The following EDA variants were observed in gnomAD, a reference collection of about 807,000 sequenced individuals.
The protein encoded by EDA is ectodysplasin A, also known as ectodysplasin-A.
EDA carries 2 observed loss-of-function variants against 23.6 expected under a neutral mutation model. That is an observed-to-expected ratio of 0.08 (90% CI 0.03 to 0.27). The LOEUF (loss-of-function observed/expected upper bound fraction) is 0.27, where lower values mean the gene tolerates loss of function less well. EDA is among the 10% of genes least tolerant of loss of function. EDA has a pLI of 1.00. For synonymous variants in EDA, 131 were observed against 132.0 expected, an observed-to-expected ratio of 0.99 and a Z score of 0.05; for missense variants, 229 against 324.2, an observed-to-expected ratio of 0.71 and a Z score of 2.26.
intron 1 of EDA, among the ~76,000 whole-genome samples, chrX:69,954,700 A>G (rs2018974869): frequency 8.9e-6 from 1 of 112,104 alleles, no homozygotes; most frequent in South Asian, 3.8e-4. Flanking sequence ...ACATGTGCAG[A>G]ATGTACAAGT....
At position 69,868,186 on chromosome X, in the gene EDA, G is replaced by A. The variant is rs576846433; in HGVS notation, c.397-88841G>A. On this transcript the variant is annotated intron_variant, in intron 1 of 7. Coordinates refer to ENST00000374552, the MANE Select transcript of EDA (RefSeq NM_001399.5). ...CTTCAAGCACCATTGAATCTGCTGG[G>A]TCATATGGTCCAAGTGGCAGAGCAG... 3.7e-4 allele frequency among the ~76,000 whole-genome samples: 41 copies of A among 112,183 alleles called. No individual in the cohort carries two copies. The South Asian group carries it at 0.015, about 42-fold the overall frequency.
chrX:69,660,810 A>G (rs1485005681), intron 1 of EDA, among the ~76,000 whole-genome samples: 1 of 111,561 alleles, frequency 9.0e-6, no homozygotes, highest in Non-Finnish European at 1.9e-5. Context: ...ATACGTGTGC[A>G]TGTGTCTTTA....
At chrX:69,624,725 C>A (rs1026594234) in intron 1 of EDA, among the ~76,000 whole-genome samples, 1 of 109,112 alleles carries the variant, frequency 9.2e-6, no homozygotes, top group African/African-American at 3.3e-5. Flanking sequence ...TGGGAGTTCT[C>A]CCTCTTTGAA....
intron 1 of EDA, among the ~76,000 whole-genome samples, chrX:69,698,573 G>T (rs1300082660): frequency 3.6e-5 from 4 of 111,585 alleles, no homozygotes; most frequent in Non-Finnish European, 7.5e-5. Flanking sequence ...GGCCCTAAAA[G>T]AAAAGTTCGG....
intron 1 of EDA, among the ~76,000 whole-genome samples, chrX:69,796,553 A>G (rs1275898585): frequency 8.9e-6 from 1 of 112,139 alleles, no homozygotes; most frequent in Non-Finnish European, 1.9e-5. Flanking sequence ...AACCAATACC[A>G]CAGATACGTC....
intron 1 of EDA, among the ~76,000 whole-genome samples, chrX:69,773,827 T>G (rs749603941): frequency 2.4e-3 from 264 of 111,874 alleles, no homozygotes; most frequent in Non-Finnish European, 4.3e-3. Context: ...TTTGCAAATA[T>G]TTTATCCCAT....
intron 1 of EDA, among the ~76,000 whole-genome samples, chrX:69,833,612 G>A (rs2016684723): frequency 9.0e-6 from 1 of 110,901 alleles, no homozygotes; most frequent in South Asian, 3.9e-4. Flanking sequence ...CATTTCAGAA[G>A]GAATGGTACC....
chrX:69,786,526 T>A (rs1430420712), intron 1 of EDA, among the ~76,000 whole-genome samples: 1 of 110,281 alleles, frequency 9.1e-6, no homozygotes, highest in Admixed American at 9.6e-5. Context: ...ACATCTTTAT[T>A]TCTGCCTTCA....
At chrX:69,948,746 T>G (rs899821536) in intron 1 of EDA, among the ~76,000 whole-genome samples, 1 of 112,588 alleles carries the variant, frequency 8.9e-6, no homozygotes, top group African/African-American at 3.2e-5. Context: ...TAAAGATAGA[T>G]TCTAGTTCAG....
intron 1 of EDA, among the ~76,000 whole-genome samples, chrX:69,623,005 T>C (rs768666597): frequency 8.9e-6 from 1 of 112,192 alleles, no homozygotes; most frequent in Non-Finnish European, 1.9e-5. Context: ...GGTGCCTGTA[T>C]ATATGCAAGA....
intron 1 of EDA, among the ~76,000 whole-genome samples, chrX:69,658,250 G>GTGTGTGTA (rs1933379624): frequency 9.7e-6 from 1 of 103,485 alleles, no homozygotes; most frequent in Non-Finnish European, 2.0e-5. Context: ...GTGTGTGTGT[G>GTGTGTGTA]TATTGTAAAT....
At chrX:69,711,973 G>GT (rs2012069331) in intron 1 of EDA, among the ~76,000 whole-genome samples, 1 of 110,873 alleles carries the variant, frequency 9.0e-6, no homozygotes, top group African/African-American at 3.3e-5. Context: ...TTTTTGAAGG[G>GT]TTTTTTGTGT....
chrX:70,002,493 G>C (rs750574263), intron 2 of EDA, among the ~76,000 whole-genome samples: 1 of 112,010 alleles, frequency 8.9e-6, no homozygotes, highest in Admixed American at 9.5e-5. Flanking sequence ...CATGGAATTA[G>C]AGGGGCCATC....
intron 1 of EDA, among the ~76,000 whole-genome samples, chrX:69,876,855 T>C (rs1372761311): frequency 8.9e-6 from 1 of 112,959 alleles, no homozygotes; most frequent in African/African-American, 3.2e-5. Context: ...ACATTTAGAT[T>C]GTTTCCAGTT....
chrX:69,617,071 T>C (rs1037345000), intron 1 of EDA: 1 of 364,559 alleles, frequency 2.7e-6, no homozygotes, highest in Admixed American at 5.0e-5. Context: ...GCGGTGCTTG[T>C]TTTTTCGTGT....
intron 1 of EDA, among the ~76,000 whole-genome samples, chrX:69,832,647 A>G (rs1258632518): frequency 9.0e-6 from 1 of 111,519 alleles, no homozygotes; most frequent in African/African-American, 3.3e-5. Context: ...CCATTTTCAC[A>G]ATATTGATTC....
intron 1 of EDA, among the ~76,000 whole-genome samples, chrX:69,925,749 G>T (rs1458813316): frequency 9.6e-6 from 1 of 104,230 alleles, no homozygotes; most frequent in Non-Finnish European, 2.0e-5. Flanking sequence ...TGTACCTCTG[G>T]TAGAATTTGG....
chrX:69,902,876 G>A (rs2018118591), intron 1 of EDA, among the ~76,000 whole-genome samples: 1 of 111,527 alleles, frequency 9.0e-6, no homozygotes, highest in Admixed American at 9.6e-5. Context: ...CATGGAGCTA[G>A]CAATCATTTA....
At chrX:69,977,109 T>C (rs1415373571) in intron 2 of EDA, among the ~76,000 whole-genome samples, 1 of 112,146 alleles carries the variant, frequency 8.9e-6, no homozygotes, top group Non-Finnish European at 1.9e-5. Flanking sequence ...CCCCTGTTCC[T>C]GCACTGGTTG....
Sources: gnomAD v4.1 joint callset for allele counts (sites outside exome capture counted in the v4.1 genomes callset) on GRCh38, gnomAD v4.1.1 for gene constraint, MANE v1.5 for transcripts, NCBI Gene and HGNC (gene_info 2026-07-23, HGNC 2026-07-21) for gene names.